CAPG: variants seen among roughly 807,000 people sequenced by gnomAD.
The protein encoded by CAPG is capping actin protein, gelsolin like, also known as macrophage-capping protein.
Under a neutral mutation model 44.6 loss-of-function variants are expected in CAPG, and 32 were observed. That is an observed-to-expected ratio of 0.72 (90% CI 0.54 to 0.96). The LOEUF is 0.96. CAPG is among the 50% of genes least tolerant of loss of function. The pLI is 0.00. For synonymous variants in CAPG, 175 were observed against 179.6 expected, an observed-to-expected ratio of 0.97 and a Z score of 0.20; for missense variants, 412 against 438.3, an observed-to-expected ratio of 0.94 and a Z score of 0.54.
chr2:85,408,650 T>C (rs959964501), intron 1 of CAPG: 4 of 152,196 alleles, frequency 2.6e-5, no homozygotes, highest in African/African-American at 9.7e-5. Context: ...GGGGGTGACA[T>C]GCACAGAGAC....
chr2:85,393,706 A>G (rs958766181), downstream of CAPG, among the ~76,000 whole-genome samples: 2 of 152,168 alleles, frequency 1.3e-5, no homozygotes, highest in Non-Finnish European at 2.9e-5. Flanking sequence ...CTGAGATTAC[A>G]GGCATGCGCA....
chr2:85,404,935 C>CA (rs538367727), intron 1 of CAPG, among the ~76,000 whole-genome samples: 1,608 of 111,740 alleles, frequency 0.014, 28 homozygotes, highest in African/African-American at 0.048. Context: ...AACCCCCTCT[C>CA]AAAAAAAAAA....
intron 1 of CAPG, among the ~76,000 whole-genome samples, chr2:85,416,470 T>C (rs953980600): frequency 1.3e-5 from 2 of 152,124 alleles, no homozygotes; most frequent in African/African-American, 4.8e-5. Context: ...AGGGATCTTT[T>C]GCAATGCTCA....
intron 1 of CAPG, among the ~76,000 whole-genome samples, chr2:85,403,537 T>C (rs1223812555): frequency 3.3e-5 from 5 of 152,118 alleles, no homozygotes; most frequent in African/African-American, 4.8e-5. Flanking sequence ...CAGATAAATA[T>C]ATTATGCAAA....
intron 2 of CAPG, 44 bp downstream of exon 2, chr2:85,402,079 T>C (rs776716480): frequency 6.2e-7 from 1 of 1,610,108 alleles, no homozygotes; most frequent in South Asian, 1.1e-5. Flanking sequence ...CCCTTGGAGG[T>C]AAAGAAGGGG....
downstream of CAPG, chr2:85,394,712 G>A (rs868150640): frequency 4.6e-6 from 3 of 657,644 alleles, no homozygotes; most frequent in South Asian, 3.5e-5. Flanking sequence ...GAACCCAGGT[G>A]AATAGGTGGG....
intron 5 of CAPG, among the ~76,000 whole-genome samples, chr2:85,399,735 TTTTTC>T (rs1300991573): frequency 4.8e-4 from 70 of 146,032 alleles, no homozygotes; most frequent in Admixed American, 2.0e-3. Flanking sequence ...AGCCTCTTTC[TTTTTC>T]TTTTTTTTTT....
At chr2:85,402,536 G>A (rs1307176140) in intron 1 of CAPG, among the ~76,000 whole-genome samples, 7 of 150,070 alleles carry the variant, frequency 4.7e-5, no homozygotes, top group Admixed American at 1.3e-4. Flanking sequence ...GTGCGATCTC[G>A]CCTCACTGCA....
intron 6 of CAPG, 112 bp from the exon 7 acceptor site, chr2:85,398,894 G>T: frequency 1.1e-6 from 1 of 891,254 alleles, no homozygotes; most frequent in Non-Finnish European, 1.7e-6. Context: ...CTGCACTAGG[G>T]CACCCAGCAG....
At position 85,395,382 on chromosome 2, in the gene CAPG, A is replaced by G. The variant is rs1686543345; in HGVS notation, c.981+156T>C. 1.6e-6 allele frequency: 1 copy of G among 639,614 alleles called. No individual in the cohort carries two copies. The highest frequency in any genetic ancestry group is 2.8e-6 in the Non-Finnish European group (1 of 354,946). The allele number at this position is 639,614 out of a possible 1,614,324, so 39.6% of individuals were successfully genotyped here. Reference sequence around the variant, plus strand: ...AATAAGTATTTTGACATTTTGAAGGATTGAGATGGGCTTTCCCACTGGATG... The same window carrying G: ...AATAAGTATTTTGACATTTTGAAGGGTTGAGATGGGCTTTCCCACTGGATG... On this transcript the variant is annotated intron_variant, in intron 9 of 9. Transcript: ENST00000263867. The surrounding 1 kb of genome is among the most constrained non-coding windows in gnomAD (Gnocchi z 4.3).
rs888985294 is a variant in CAPG, at chr2:85,398,254, C to G, written c.760-102G>C. On this transcript the variant is annotated intron_variant, in intron 7 of 9. Transcript: ENST00000263867. ...TCCTCCCTAGGTCCCTCCCACTGTG[C>G]CTCGCTGCCCACTGCCCAGGTCCCA... 3.7e-6 allele frequency: 5 copies of G among 1,357,540 alleles called. No homozygotes were observed. The Admixed American group carries it at 8.6e-5, about 23-fold the overall frequency. 84.1% of individuals were successfully genotyped at this position (1,357,540 alleles called of 1,614,324 possible).
chr2:85,410,291 C>T (rs1687363116), intron 1 of CAPG, 26 bp downstream of exon 1: 1 of 152,618 alleles, frequency 6.6e-6, no homozygotes, highest in Admixed American at 6.5e-5. Context: ...CCTTTCAACA[C>T]TCCTACTTTC....
chr2:85,418,699 G>C (rs1010259660), upstream of CAPG: 1 of 150,270 alleles, frequency 6.7e-6, no homozygotes, highest in Non-Finnish European at 1.5e-5. Context: ...TACAAATCCC[G>C]GCAGGCAGCG....
At chr2:85,414,669 T>G, upstream of CAPG, among the ~76,000 whole-genome samples, 1 of 151,918 alleles carries the variant, frequency 6.6e-6, no homozygotes, top group Non-Finnish European at 1.5e-5. Context: ...TGGGCTCAAG[T>G]GATCCTCCTG....
At chr2:85,419,077 G>T (rs904555429), upstream of CAPG, 1 of 152,462 alleles carries the variant, frequency 6.6e-6, no homozygotes, top group African/African-American at 2.4e-5. Context: ...CCTGAGACTG[G>T]ACTAGGTCTG....
chr2:85,401,752 G>A (rs1686906036), intron 3 of CAPG, 33 bp downstream of exon 3: 5 of 1,611,436 alleles, frequency 3.1e-6, no homozygotes, highest in Non-Finnish European at 4.2e-6. Context: ...TCCCCTTCCT[G>A]GGCCCAACCT....
chr2:85,392,483 C>T (rs780539899), downstream of CAPG, among the ~76,000 whole-genome samples: 2 of 152,070 alleles, frequency 1.3e-5, no homozygotes, highest in Admixed American at 6.5e-5. Context: ...TTCTGTCCTC[C>T]GGACCCCCTC....
At chr2:85,412,186 G>A (rs1183711849), upstream of CAPG, among the ~76,000 whole-genome samples, 1 of 152,124 alleles carries the variant, frequency 6.6e-6, no homozygotes, top group Non-Finnish European at 1.5e-5. Flanking sequence ...TAGCATCCAA[G>A]TGTCTCCATG....
At chr2:85,410,848 G>GT (rs1280733649), upstream of CAPG, among the ~76,000 whole-genome samples, 1 of 149,442 alleles carries the variant, frequency 6.7e-6, no homozygotes, top group East Asian at 1.9e-4. Flanking sequence ...TTTAAGATCA[G>GT]TTTTTTGGTT....
Sources: allele counts gnomAD v4.1 joint callset (sites outside exome capture counted in the v4.1 genomes callset), GRCh38; gene constraint gnomAD v4.1.1; non-coding constraint Gnocchi (gnomAD v3.1); transcripts MANE v1.5; gene names NCBI Gene and HGNC (gene_info 2026-07-23, HGNC 2026-07-21).